The following TDRD6 variants were observed in gnomAD, a reference collection of about 807,000 sequenced individuals.
TDRD6 encodes tudor domain containing 6.
In TDRD6, 186 loss-of-function variants were observed where a neutral mutation model predicts 157.5. The ratio of observed to expected loss-of-function variants is 1.18; its 90% CI spans 1.05 to 1.33. The LOEUF (loss-of-function observed/expected upper bound fraction) is 1.33. Ranked by LOEUF, TDRD6 falls within the 40% of genes most tolerant of loss-of-function variation. TDRD6 has a pLI of 0.00. For synonymous variants in TDRD6, 1,075 were observed against 945.2 expected (o/e 1.14, Z -2.52); for missense variants, 3,066 against 2,508.0 (o/e 1.22, Z -4.75).
At chr6:46,687,405 T>C (rs1019516832), upstream of TDRD6, among the ~76,000 whole-genome samples, 1 of 152,160 alleles carries the variant, frequency 6.6e-6, no homozygotes, top group Non-Finnish European at 1.5e-5. Flanking sequence ...ACAACTCTTA[T>C]CAATTCAGAT....
chr6:46,690,648 G>C lies in TDRD6; in HGVS notation c.2520G>C (p.Gly840=). ...NRQWSRALIS[G]IQSVEHVNVT... ...AGTGGTCCAGAGCACTTATTAGTGGGATACAGTCTGTGGAGCATGTCAATG... is the reference window on the plus strand; with the variant it reads ...AGTGGTCCAGAGCACTTATTAGTGGCATACAGTCTGTGGAGCATGTCAATG... The change falls in exon 1 of 4, where the codon GGG becomes GGC. Residue 840 remains glycine (G), a synonymous_variant. Transcript: ENST00000316081. The C allele has an allele frequency of 6.2e-7, 1 of 1,614,206 alleles. No individual in the cohort carries two copies. The highest frequency in any genetic ancestry group is 8.5e-7 in the Non-Finnish European group (1 of 1,180,030).
chr6:46,690,125 C>T lies in TDRD6; in HGVS notation c.1997C>T (p.Ala666Val), dbSNP rs1381229213. Residue 666 changes from alanine (A) to valine (V), a missense_variant, in exon 1 of 4, where the codon GCC becomes GTC. Transcript: ENST00000316081. ...ISKVIAQAGY[A>V]KYQEFETKEN... is the part of the protein sequence containing the mutation. ...AAGGTAATTGCCCAAGCTGGATATG[C>T]CAAGTATCAGGAATTTGAAACAAAG... is the stretch of plus-strand genomic sequence containing the variant. The T allele has an allele frequency of 1.2e-6, 2 of 1,613,336 alleles. No homozygotes were observed. The highest frequency in any genetic ancestry group is 1.7e-5 in the Admixed American group (1 of 59,910).
At chr6:46,687,784 A>G (rs1010606431), upstream of TDRD6, 4 of 246,544 alleles carry the variant, frequency 1.6e-5, no homozygotes, top group Non-Finnish European at 3.1e-5. Flanking sequence ...GAACGTCCCA[A>G]CAAGCTCCTT....
chr6:46,691,631 A>C lies in TDRD6; in HGVS notation c.3503A>C (p.Lys1168Thr). The C allele has an allele frequency of 6.2e-7, 1 of 1,613,348 alleles. No individual in the cohort carries two copies. The change falls in exon 1 of 4, where the codon AAA (lysine) becomes ACA (threonine). Residue 1168 changes from lysine to threonine, a missense_variant. Lys to Thr is a moderately conservative substitution (Grantham distance 78, BLOSUM62 -1). Transcript: ENST00000316081. ...AGTTACAAAGATAGAATAAGAAAAA[A>C]AGAAAGTGAAGTCCTCTGTTCTACA... is the stretch of plus-strand genomic sequence containing the variant. Reference protein sequence around the residue: ...LLSYKDRIRKKESEVLCSTTE... With the variant: ...LLSYKDRIRKTESEVLCSTTE...
Position 46,692,356 on chromosome 6 carries a change from A to G in TDRD6, c.4228A>G (p.Ile1410Val), listed in dbSNP as rs74443068. Residue 1410 changes from isoleucine to valine, a missense_variant, in exon 1 of 4, where the codon ATA (isoleucine) becomes GTA (valine). By Grantham distance (29) the Ile-to-Val change is conservative. Transcript: ENST00000316081. ...AGGTAGGCTTGACCTTGTTAATGCA[A>G]TATTGCCGGGGTTGTGCATTCATTG... is the stretch of plus-strand genomic sequence containing the variant. ...KIGRLDLVNA[I>V]LPGLCIHCSL... 5.9e-4 allele frequency: 945 copies of G among 1,614,132 alleles called. 1 individual carries two copies. In the African/African-American group the frequency reaches 7.3e-3, roughly 12 times the overall value.
chr6:46,681,824 G>A, the TDRD6 span, among the ~76,000 whole-genome samples: 1 of 152,002 alleles, frequency 6.6e-6, no homozygotes, highest in Non-Finnish European at 1.5e-5. Context: ...AAATAAGCCA[G>A]GCAAAAGTGA....
chr6:46,695,865 T>C lies in TDRD6; in HGVS notation c.6091T>C (p.Ser2031Pro). The change falls in exon 2 of 4, where the codon TCT becomes CCT. Residue 2031 changes from serine to proline, a missense_variant. Coordinates refer to ENST00000316081, the MANE Select transcript of TDRD6 (RefSeq NM_001010870.3). ...TYTLKAFTVG[S>P]KCVVWSSLRN... The stretch of plus-strand genomic sequence containing the variant: ...CACTCTGAAAGCCTTTACTGTTGGA[T>C]CTAAATGTGTTGTGTGGTCAAGTCT... 6.2e-7 allele frequency: 1 copy of C among 1,613,714 alleles called. No homozygotes were observed. The highest frequency in any genetic ancestry group is 8.5e-7 in the Non-Finnish European group (1 of 1,179,748).
chr6:46,689,632 T>G lies in TDRD6; in HGVS notation c.1504T>G (p.Phe502Val). ...QVEFVKNPSE[F>V]WIRLRKHNVT... is the part of the protein sequence containing the mutation. ...AGAGTTTGTTAAAAATCCTTCTGAG[T>G]TTTGGATTAGGTTGAGGAAACACAA... is the stretch of plus-strand genomic sequence containing the variant. Residue 502 changes from phenylalanine (F) to valine (V), a missense_variant, in exon 1 of 4, where the codon TTT becomes GTT. Physicochemically the swap from Phe to Val is conservative, Grantham distance 50 (BLOSUM62 -1). Transcript: ENST00000316081. 6.2e-7 allele frequency: 1 copy of G among 1,614,100 alleles called. No homozygotes were observed. Among genetic ancestry groups the G allele is most frequent in the Non-Finnish European group, 8.5e-7 (1 of 1,180,028 alleles).
Position 46,692,216 on chromosome 6 carries a change from T to G in TDRD6, c.4088T>G (p.Phe1363Cys), listed in dbSNP as rs760654060. ...AGAGGAGATATGATATGTGCTGTTT[T>G]CCCAGAAGATAATTTATGGTATCGT... The part of the protein sequence containing the change: ...LQRGDMICAV[F>C]PEDNLWYRAV... Residue 1363 changes from phenylalanine to cysteine, a missense_variant, in exon 1 of 4, where the codon TTC becomes TGC. Transcript: ENST00000316081. 31 of 1,613,998 alleles carry G rather than the reference T, an allele frequency of 1.9e-5. No homozygotes were observed. Among genetic ancestry groups the G allele is most frequent in the Non-Finnish European group, 2.5e-5 (29 of 1,179,998 alleles).
At position 46,692,900 on chromosome 6, in the gene TDRD6, A is replaced by T. The variant is rs1205588483; in HGVS notation, c.4772A>T (p.Asn1591Ile). Residue 1591 changes from asparagine (N) to isoleucine (I), a missense_variant, in exon 1 of 4, where the codon AAT becomes ATT. Asn to Ile is a moderately radical substitution (Grantham distance 149). Transcript: ENST00000316081. ...CATTATTATAGGGCACTTATCACTA[A>T]TATTTGTGAAGATTATCTTGTATCT... ...DGHYYRALIT[N>I]ICEDYLVSVR... 2 of 1,614,108 alleles carry T rather than the reference A, an allele frequency of 1.2e-6. No individual in the cohort carries two copies. Among genetic ancestry groups the T allele is most frequent in the Admixed American group, 1.7e-5 (1 of 60,008 alleles).
At position 46,691,266 on chromosome 6, in the gene TDRD6, T is replaced by A; in HGVS notation, c.3138T>A (p.Asp1046Glu). ...CCTTGTGCCTTGCCAAGTATACTGA[T>A]GGAAACTGGTATAGGGGCATAGTAA... ...PGTLCLAKYT[D>E]GNWYRGIVIE... The change falls in exon 1 of 4, where the codon GAT (aspartate) becomes GAA (glutamate). Residue 1046 changes from aspartate to glutamate, a missense_variant. Coordinates refer to ENST00000316081, the MANE Select transcript of TDRD6 (RefSeq NM_001010870.3). 1.9e-6 allele frequency: 3 copies of A among 1,614,104 alleles called. No individual in the cohort carries two copies. Among genetic ancestry groups the A allele is most frequent in the Non-Finnish European group, 2.5e-6 (3 of 1,179,966 alleles).
At chr6:46,684,703 C>T (rs958337686), upstream of TDRD6, among the ~76,000 whole-genome samples, 1 of 152,042 alleles carries the variant, frequency 6.6e-6, no homozygotes, top group Non-Finnish European at 1.5e-5. Context: ...CTTGTTATTG[C>T]TGTGTAGGAC....
rs1339532863 is a variant in TDRD6, at chr6:46,688,390, AG to A, written c.263del (p.Ser88ThrfsTer44). The A allele has an allele frequency of 6.5e-7, 1 of 1,536,420 alleles. No homozygotes were observed. The highest frequency in any genetic ancestry group is 8.7e-7 in the Non-Finnish European group (1 of 1,145,148). ...GLLWHRCRVV[S>X]RQAQESRVFL... ...TTTGTGGCACCGCTGCCGCGTGGTCAGCCGGCAGGCACAGGAGAGCCGTGTC... is the reference window on the plus strand; with the variant it reads ...TTTGTGGCACCGCTGCCGCGTGGTCACCGGCAGGCACAGGAGAGCCGTGTC... On this transcript the variant is annotated frameshift_variant, in exon 1 of 4. Transcript: ENST00000316081. LOFTEE classifies it high-confidence loss of function.
In TDRD6 at chr6:46,688,696, C is replaced by T. The variant is rs1415078039; in HGVS notation, c.568C>T (p.Gln190Ter). 1.2e-6 allele frequency: 2 copies of T among 1,600,656 alleles called. No homozygotes were observed. Among genetic ancestry groups the T allele is most frequent in the Non-Finnish European group, 1.7e-6 (2 of 1,179,784 alleles). Residue 190 changes from glutamine to a stop codon, truncating the protein, a stop_gained, in exon 1 of 4, where the codon CAG (glutamine) becomes TAG (stop). Transcript: ENST00000316081. LOFTEE classifies it high-confidence loss of function. Reference protein sequence around the residue: ...VLLEVPDVFQQMRELGLARRV... With the variant: ...VLLEVPDVFQ Reference sequence around the variant, plus strand: ...CCTGGAGGTGCCTGATGTGTTCCAACAGATGCGGGAGCTGGGCCTGGCTCG... The same window carrying T: ...CCTGGAGGTGCCTGATGTGTTCCAATAGATGCGGGAGCTGGGCCTGGCTCG...
Position 46,688,519 on chromosome 6 carries a change from C to T in TDRD6, c.391C>T (p.Leu131=). The T allele has an allele frequency of 6.4e-7, 1 of 1,566,072 alleles. No individual in the cohort carries two copies. Among genetic ancestry groups the T allele is most frequent in the Non-Finnish European group, 8.6e-7 (1 of 1,159,652 alleles). Residue 131 remains leucine, a synonymous_variant, in exon 1 of 4, where the codon CTA becomes TTA. Transcript: ENST00000316081. ...NLPSEVLGCV[L]AGLVPAGCGA... ...GCCCTCGGAAGTGCTGGGCTGCGTG[C>T]TAGCGGGCCTGGTGCCGGCAGGCTG...
upstream of TDRD6, among the ~76,000 whole-genome samples, chr6:46,685,156 C>T (rs569500373): frequency 4.6e-5 from 7 of 151,616 alleles, no homozygotes; most frequent in East Asian, 1.4e-3. Flanking sequence ...TATTGAGTTT[C>T]GAGAGTCGTT....
In TDRD6 at chr6:46,703,810, C is replaced by T. The variant is rs867670500; in HGVS notation, c.*1923C>T. Reference sequence around the variant, plus strand: ...TCCTTCACAGCCTTTGTGTGAGTAACTAATGTATTCTAACTGGAATCCCTG... The same window carrying T: ...TCCTTCACAGCCTTTGTGTGAGTAATTAATGTATTCTAACTGGAATCCCTG... On this transcript the variant is annotated 3_prime_UTR_variant, in exon 4 of 4. Coordinates refer to ENST00000316081, the MANE Select transcript of TDRD6 (RefSeq NM_001010870.3). The T allele has an allele frequency of 3.9e-5, 6 of 152,098 alleles. No individual in the cohort carries two copies. Among genetic ancestry groups the T allele is most frequent in the African/African-American group, 7.2e-5 (3 of 41,440 alleles). 9.4% of individuals were successfully genotyped at this position (152,098 alleles called of 1,614,324 possible).
chr6:46,691,121 C>T lies in TDRD6; in HGVS notation c.2993C>T (p.Pro998Leu). 2.5e-6 allele frequency: 4 copies of T among 1,613,900 alleles called. No individual in the cohort carries two copies. The highest frequency in any genetic ancestry group is 3.4e-6 in the Non-Finnish European group (4 of 1,179,948). Residue 998 changes from proline (P) to leucine (L), a missense_variant, in exon 1 of 4, where the codon CCT becomes CTT. Transcript: ENST00000316081. Reference protein sequence around the residue: ...ELVYITHIDDPWTFYCQLARN... With the variant: ...ELVYITHIDDLWTFYCQLARN... ...GTTTATATAACGCATATTGATGACC[C>T]TTGGACATTTTATTGCCAGCTGGCA...
Position 46,691,678 on chromosome 6 carries a change from A to T in TDRD6, c.3550A>T (p.Asn1184Tyr), listed in dbSNP as rs754570706. Residue 1184 changes from asparagine to tyrosine, a missense_variant, in exon 1 of 4, where the codon AAT (asparagine) becomes TAT (tyrosine). By Grantham distance (143) the Asn-to-Tyr change is moderately radical (BLOSUM62 -2). Transcript: ENST00000316081. ...TACAACTGAAACTCTTGAAGAAAAA[A>T]ATGAGAATATGAAGTTGCCATGTAC... ...CSTTETLEEKNENMKLPCTEY... is the reference protein window; with the variant it reads ...CSTTETLEEKYENMKLPCTEY... 4.6e-5 allele frequency: 74 copies of T among 1,612,206 alleles called. No individual in the cohort carries two copies. The highest frequency in any genetic ancestry group is 5.9e-5 in the Non-Finnish European group (70 of 1,179,520).
Sources: allele counts gnomAD v4.1 joint callset (sites outside exome capture counted in the v4.1 genomes callset), GRCh38; gene constraint gnomAD v4.1.1; transcripts MANE v1.5; gene names NCBI Gene and HGNC (gene_info 2026-07-23, HGNC 2026-07-21).